Variants in ZNF534 observed in about 807,000 individuals in gnomAD.
ZNF534 encodes the protein KRAB domain only 3.
ZNF534 carries 19 observed loss-of-function variants against 13.6 expected under a neutral mutation model. The ratio of observed to expected loss-of-function variants is 1.40; its 90% confidence interval spans 0.97 to 2.05. The LOEUF (loss-of-function observed/expected upper bound fraction) is 2.05, where lower values mean the gene tolerates loss of function less well. Ranked by LOEUF, ZNF534 falls within the 30% of genes most tolerant of loss-of-function variation. The probability of loss-of-function intolerance (pLI) is 0.00; values close to 1 mark genes in which losing one functional copy is unlikely to be tolerated. For synonymous variants in ZNF534, 244 were observed against 273.8 expected (o/e 0.89, Z 1.07); for missense variants, 782 against 796.3 (o/e 0.98, Z 0.22).
Position 52,435,080 on chromosome 19 carries a change from G to A in ZNF534, c.143-1G>A, listed in dbSNP as rs745583630. 13 of 1,610,820 alleles carry A rather than the reference G, an allele frequency of 8.1e-6. No individual in the cohort carries two copies. Among genetic ancestry groups the A allele is most frequent in the Middle Eastern group, 1.6e-4 (1 of 6,064 alleles). On this transcript the variant is annotated splice_acceptor_variant, in intron 3 of 4. Coordinates refer to ENST00000433050, the MANE Select transcript of ZNF534 (RefSeq NM_001143938.3). LOFTEE classifies it high-confidence loss of function. Reference sequence around the variant, plus strand: ...CATTTATTCTTTCTTTTTGTAAGTAGGAATCTGTCTTCCTGACCTGAGTGT... The same window carrying A: ...CATTTATTCTTTCTTTTTGTAAGTAAGAATCTGTCTTCCTGACCTGAGTGT...
rs1331629964 is a variant in ZNF534 at position 52,439,777 on chromosome 19, T to A, written c.*331T>A. ...ATCTCAAAAAAAGAAAAAAAAAAAA[T>A]GAGTGAAGCTGCCAAGCATGGTGGC... On this transcript the variant is annotated 3_prime_UTR_variant, in exon 5 of 5. Transcript: ENST00000433050. 1.5e-5 allele frequency among the ~76,000 whole-genome samples: 2 copies of A among 136,680 alleles called. No homozygotes were observed. Among genetic ancestry groups the A allele is most frequent in the Admixed American group, 7.4e-5 (1 of 13,476 alleles). 89.7% of individuals were successfully genotyped at this position (136,680 alleles called of 152,430 possible). A position where few individuals can be genotyped will look rare whatever the true frequency, so the allele number is the denominator to read the frequency against.
At chr19:52,450,675 TTTTTTTTTTGTTTTTGTTTTTG>T (rs1454062448) in intron 4 of ZNF534, among the ~76,000 whole-genome samples, 1,904 of 35,696 alleles carry the variant, frequency 0.053, 219 homozygotes, top group African/African-American at 0.11. Context: ...TAGGAGTTTT[TTTTTTTTTTGTTTTTGTTTTTG>T]TTTTTTTTTT....
At chr19:52,442,518 G>C (rs1418406916), downstream of ZNF534, among the ~76,000 whole-genome samples, 3 of 152,228 alleles carry the variant, frequency 2.0e-5, no homozygotes, top group African/African-American at 7.2e-5. Flanking sequence ...TCTCAGCTCT[G>C]AAGGCTGTCA....
Position 52,438,548 on chromosome 19 carries a change from T to C in ZNF534, c.1088T>C (p.Phe363Ser). 9 of 1,580,890 alleles carry C rather than the reference T, an allele frequency of 5.7e-6. No homozygotes were observed. Among genetic ancestry groups the C allele is most frequent in the Non-Finnish European group, 7.7e-6 (9 of 1,162,530 alleles). Residue 363 changes from phenylalanine (F) to serine (S), a missense_variant, in exon 5 of 5, where the codon TTT (phenylalanine) becomes TCT (serine). Physicochemically the swap from Phe to Ser is radical, Grantham distance 155 (BLOSUM62 -2). Around this residue, in one of 5 missense-constraint regions of ZNF534, gnomAD observed 591 missense variants for 574.0 expected, o/e 1.03. Transcript: ENST00000433050. Reference sequence around the variant, plus strand: ...AAATGTAATGAATGTGGCAAGGGGTTTAGTCGAATTGCATTCCTTGCAAGG... The same window carrying C: ...AAATGTAATGAATGTGGCAAGGGGTCTAGTCGAATTGCATTCCTTGCAAGG... Reference protein sequence around the residue: ...PYKCNECGKGFSRIAFLARHR... With the variant: ...PYKCNECGKGSSRIAFLARHR...
chr19:52,438,967 T>G lies in ZNF534; in HGVS notation c.1507T>G (p.Phe503Val), dbSNP rs1174919489. 1.9e-6 allele frequency: 3 copies of G among 1,604,966 alleles called. No individual in the cohort carries two copies. The African/African-American group carries it at 4.0e-5, about 21-fold the overall frequency. The change falls in exon 5 of 5, where the codon TTC becomes GTC. Residue 503 changes from phenylalanine (F) to valine (V), a missense_variant. Coordinates refer to ENST00000433050, the MANE Select transcript of ZNF534 (RefSeq NM_001143938.3). ...CAAATGTAATGAATGTGGCAAGGTC[T>G]TCCGTCAGAATTCACACCTTGCACA... ...LYKCNECGKVFRQNSHLAQHR... is the reference protein window; with the variant it reads ...LYKCNECGKVVRQNSHLAQHR...
rs2608503 is a variant in ZNF534, at chr19:52,441,118, C to A, written c.*1672C>A. ...ACGGGGTTTCACCATGTTAGCCAGG[C>A]TGGTCTCGATCTCCTGACCTTGTGA... On this transcript the variant is annotated 3_prime_UTR_variant, in exon 5 of 5. Transcript: ENST00000433050. 0.91 allele frequency among the ~76,000 whole-genome samples: 138,188 copies of A among 152,024 alleles called. 63,211 individuals carry two copies. Among genetic ancestry groups the A allele is most frequent in the Non-Finnish European group, 0.96 (65,540 of 67,986 alleles).
In ZNF534 at chr19:52,438,470, A is replaced by G. The variant is rs2059145271; in HGVS notation, c.1010A>G (p.His337Arg). The change falls in exon 5 of 5, where the codon CAT (histidine) becomes CGT (arginine). Residue 337 changes from histidine (H) to arginine (R), a missense_variant. Transcript: ENST00000433050. The part of the protein sequence containing the change: ...DCKECGKVFR[H>R]KSSLTTHQTV... ...AAGGAATGTGGCAAGGTCTTCAGGC[A>G]TAAGTCTTCCCTAACCACTCATCAG... 1.2e-6 allele frequency: 2 copies of G among 1,601,138 alleles called. No individual in the cohort carries two copies. The highest frequency in any genetic ancestry group is 1.7e-5 in the Admixed American group (1 of 57,328).
In ZNF534 at chr19:52,439,359, T is replaced by G; in HGVS notation, c.1899T>G (p.Pro633=). 1 of 1,552,626 alleles carries G rather than the reference T, an allele frequency of 6.4e-7. No homozygotes were observed. Among genetic ancestry groups the G allele is most frequent in the South Asian group, 1.2e-5 (1 of 84,118 alleles). ...QHRNIHTGVK[P]YSCNECGKVF... ...GGAATATTCATACTGGAGTGAAGCC[T>G]TACAGTTGTAATGAATGTGGCAAGG... The change falls in exon 5 of 5, where the codon CCT becomes CCG. Residue 633 remains proline, a synonymous_variant. Transcript: ENST00000433050.
rs775948674 is a variant in ZNF534, at chr19:52,451,591, C to T, written c.*94C>T. The T allele has an allele frequency of 2.6e-4, 156 of 599,934 alleles. 1 individual carries two copies. Among genetic ancestry groups the T allele is most frequent in the Middle Eastern group, 1.7e-3 (6 of 3,454 alleles). The allele number at this position is 599,934 out of a possible 1,614,324, so 37.2% of individuals were successfully genotyped here. A position where few individuals can be genotyped will look rare whatever the true frequency, so the allele number is the denominator to read the frequency against. ...CCTGGCTCTCCGGGCACGCGGGCTA[C>T]GATCTGTACAGTGCCTGTGATTACA... On this transcript the variant is annotated 3_prime_UTR_variant, in exon 5 of 5. Transcript: ENST00000301085.
intron 4 of ZNF534, among the ~76,000 whole-genome samples, chr19:52,449,310 A>G (rs2059204660): frequency 1.3e-5 from 2 of 152,002 alleles, no homozygotes; most frequent in South Asian, 4.2e-4. Context: ...TACAGTAAAC[A>G]TGGGTGTGCA....
rs1458962203 is a variant in ZNF534 at position 52,442,050 on chromosome 19, A to G, written c.*2604A>G. On this transcript the variant is annotated 3_prime_UTR_variant, in exon 5 of 5. Transcript: ENST00000433050. ...GCCTGCCAAATCACTAGAAATCAAAATATACTTTTGGATAAAACGACACAG... is the reference window on the plus strand; with the variant it reads ...GCCTGCCAAATCACTAGAAATCAAAGTATACTTTTGGATAAAACGACACAG... Among the ~76,000 whole-genome samples the G allele has an allele frequency of 2.1e-4, 5 of 23,980 alleles. No homozygotes were observed. Among genetic ancestry groups the G allele is most frequent in the African/African-American group, 4.7e-4 (5 of 10,590 alleles). 15.7% of individuals were successfully genotyped at this position (23,980 alleles called of 152,430 possible).
chr19:52,432,540 A>G (rs533801564), intron 2 of ZNF534, among the ~76,000 whole-genome samples: 1 of 152,322 alleles, frequency 6.6e-6, no homozygotes, highest in East Asian at 1.9e-4. Flanking sequence ...ATCATTGAGA[A>G]TAGTGCCTAT....
At chr19:52,435,298 G>A (rs1031576919) in intron 4 of ZNF534, 89 bp downstream of exon 4, 12 of 1,397,246 alleles carry the variant, frequency 8.6e-6, no homozygotes, top group Middle Eastern at 3.8e-4. Context: ...GAGTACAGTG[G>A]CAATCATAGC....
At chr19:52,446,935 T>A (rs2059196604), downstream of ZNF534, among the ~76,000 whole-genome samples, 1 of 152,214 alleles carries the variant, frequency 6.6e-6, no homozygotes, top group Admixed American at 6.5e-5. Flanking sequence ...CTGTGATTGT[T>A]CTTCAATCTT....
chr19:52,446,780 C>A (rs1175430726), downstream of ZNF534, among the ~76,000 whole-genome samples: 2 of 152,124 alleles, frequency 1.3e-5, no homozygotes, highest in Admixed American at 1.3e-4. Context: ...ATCGCTTGAG[C>A]AAGGGAGATG....
At position 52,451,209 on chromosome 19, in the gene ZNF534, C is replaced by A. The variant is rs190698157; in HGVS notation, c.294C>A (p.Asp98Glu). The A allele has an allele frequency of 1.8e-4, 128 of 706,120 alleles. 1 individual carries two copies. The highest frequency in any genetic ancestry group is 3.8e-4 in the Admixed American group (18 of 47,372). The allele number at this position is 706,120 out of a possible 1,614,324, so 43.7% of individuals were successfully genotyped here. A position where few individuals can be genotyped will look rare whatever the true frequency, so the allele number is the denominator to read the frequency against. The change falls in exon 5 of 5, where the codon GAC becomes GAA. Residue 98 changes from aspartate to glutamate, a missense_variant. By Grantham distance (45) the Asp-to-Glu change is conservative (BLOSUM62 2). Transcript: ENST00000301085. ...TAGATTTTTCACTTCTGGCCTGGGACGCGCGCGTCTTCAGGGTGGAAGCCT... is the reference window on the plus strand; with the variant it reads ...TAGATTTTTCACTTCTGGCCTGGGAAGCGCGCGTCTTCAGGGTGGAAGCCT...
At chr19:52,445,750 CATGATGCAGGA>C (rs1283729508), downstream of ZNF534, among the ~76,000 whole-genome samples, 1 of 14,050 alleles carries the variant, frequency 7.1e-5, no homozygotes, top group African/African-American at 2.7e-4. Flanking sequence ...AGCAAAAATT[CATGATGCAGGA>C]CTCCACACAC....
intron 2 of ZNF534, 84 bp downstream of exon 2, chr19:52,431,573 A>G: frequency 6.4e-7 from 1 of 1,568,966 alleles, no homozygotes; most frequent in Non-Finnish European, 8.8e-7. Context: ...TCTGACTCTG[A>G]AGCATCCTGC....
intron 4 of ZNF534, among the ~76,000 whole-genome samples, chr19:52,449,556 T>C (rs1283172443): frequency 6.6e-6 from 1 of 152,122 alleles, no homozygotes; most frequent in Non-Finnish European, 1.5e-5. Context: ...TTTGTATTTT[T>C]GATGATAGCC....
Sources: gnomAD v4.1 joint callset for allele counts (sites outside exome capture counted in the v4.1 genomes callset) on GRCh38, gnomAD v4.1.1 for gene constraint, gnomAD v4.1.1 regional missense constraint, MANE v1.5 for transcripts, NCBI Gene and HGNC (gene_info 2026-07-23, HGNC 2026-07-21) for gene names.